The following MTFR1 variants were observed in gnomAD, a reference collection of about 807,000 sequenced individuals.
MTFR1 encodes mitochondrial fission regulator 1.
A neutral mutation model predicts 38.8 loss-of-function variants in MTFR1; 28 were observed. The ratio of observed to expected loss-of-function variants is 0.72; its 90% CI spans 0.53 to 0.99. The LOEUF (loss-of-function observed/expected upper bound fraction) is 0.99, where lower values mean the gene tolerates loss of function less well. Among genes scored for constraint, MTFR1 ranks in the 50% least tolerant of loss-of-function variants. The pLI is 0.00. For synonymous variants in MTFR1, 145 were observed against 137.0 expected, an observed-to-expected ratio of 1.06 and a Z score of -0.41; for missense variants, 358 against 395.5, an observed-to-expected ratio of 0.91 and a Z score of 0.81.
At chr8:65,668,910 G>A (rs1040985440) in intron 1 of MTFR1, among the ~76,000 whole-genome samples, 2 of 152,120 alleles carry the variant, frequency 1.3e-5, no homozygotes, top group Admixed American at 6.6e-5. Flanking sequence ...CAGTAAACTC[G>A]TCTATACCAT....
chr8:65,740,454 A>G (rs112672393), intron 3 of MTFR1, among the ~76,000 whole-genome samples: 19,170 of 152,042 alleles, frequency 0.13, 1,380 homozygotes, highest in Middle Eastern at 0.17. Context: ...GGGCTGGAGT[A>G]CAATGGTGCG....
At chr8:65,772,752 C>G (rs1809143580), downstream of MTFR1, among the ~76,000 whole-genome samples, 1 of 152,122 alleles carries the variant, frequency 6.6e-6, no homozygotes, top group South Asian at 2.1e-4. Context: ...GCCTGTAATC[C>G]CAGCACTTTG....
Position 65,707,272 on chromosome 8 carries a change from CCTT to C in MTFR1, c.764+20_764+22del. 1 of 1,601,768 alleles carries C rather than the reference CCTT, an allele frequency of 6.2e-7. No individual in the cohort carries two copies. Among genetic ancestry groups the C allele is most frequent in the South Asian group, 1.1e-5 (1 of 88,980 alleles). ...CAGTGAAGAGGTGAGGATACATTCA[CCTT>C]CTTTCTTCCCCATTTGTTTGTCTTA... On this transcript the variant is annotated intron_variant, in intron 6 of 7. Coordinates refer to ENST00000262146, the MANE Select transcript of MTFR1 (RefSeq NM_014637.4).
At chr8:65,728,892 CA>C (rs1806718623) in intron 3 of MTFR1, among the ~76,000 whole-genome samples, 1 of 152,078 alleles carries the variant, frequency 6.6e-6, no homozygotes, top group South Asian at 2.1e-4. Context: ...AAAATAGGAA[CA>C]TGACAATAAG....
chr8:65,746,321 A>G (rs1807675400), intron 3 of MTFR1, among the ~76,000 whole-genome samples: 1 of 152,176 alleles, frequency 6.6e-6, no homozygotes, highest in Admixed American at 6.5e-5. Context: ...TAGAGCTGGG[A>G]TCTTAAATTA....
chr8:65,686,848 C>G (rs528048858), intron 3 of MTFR1, among the ~76,000 whole-genome samples: 75 of 150,416 alleles, frequency 5.0e-4, no homozygotes, highest in African/African-American at 1.6e-3. Flanking sequence ...TGCCTGAACC[C>G]GGGAACTGGA....
chr8:65,651,710 G>A (rs1185918900), intron 1 of MTFR1, among the ~76,000 whole-genome samples: 1 of 152,084 alleles, frequency 6.6e-6, no homozygotes, highest in Non-Finnish European at 1.5e-5. Flanking sequence ...TAGCCCTGTA[G>A]TATAATTTGA....
At chr8:65,757,601 TTTTTGTTTTGTTTTG>T (rs368448878) in intron 3 of MTFR1, among the ~76,000 whole-genome samples, 1 of 148,562 alleles carries the variant, frequency 6.7e-6, no homozygotes, top group African/African-American at 2.4e-5. Context: ...CAAGACTTTG[TTTTTGTTTTGTTTTG>T]TTTTGTTTTG....
At chr8:65,695,119 T>C (rs1805397031) in intron 4 of MTFR1, among the ~76,000 whole-genome samples, 1 of 152,096 alleles carries the variant, frequency 6.6e-6, no homozygotes, top group Non-Finnish European at 1.5e-5. Context: ...GTATGAAGAA[T>C]AGAAAAGAGC....
At chr8:65,771,254 C>A (rs75874147) in exon 4 of MTFR1, 8,678 of 152,866 alleles carry the variant, frequency 0.057, 356 homozygotes, top group Middle Eastern at 0.1. Flanking sequence ...TATAAAAAAT[C>A]TTAAAAGAAA....
rs1805884258 is a variant in MTFR1, at chr8:65,709,508, A to G, written c.*464A>G. 2 of 154,774 alleles carry G rather than the reference A, an allele frequency of 1.3e-5. No individual in the cohort carries two copies. The highest frequency in any genetic ancestry group is 4.0e-4 in the South Asian group (2 of 5,032). 9.6% of individuals were successfully genotyped at this position (154,774 alleles called of 1,614,324 possible). A position where few individuals can be genotyped will look rare whatever the true frequency, so the allele number is the denominator to read the frequency against. The stretch of plus-strand genomic sequence containing the variant: ...TGTTTTCAATGATCATTTAGCATTC[A>G]ATGATGGAACAGCTGGTATAACATA... On this transcript the variant is annotated 3_prime_UTR_variant, in exon 8 of 8. Transcript: ENST00000262146.
At chr8:65,721,111 C>A (rs1806358951) in intron 3 of MTFR1, among the ~76,000 whole-genome samples, 2 of 146,606 alleles carry the variant, frequency 1.4e-5, no homozygotes, top group Non-Finnish European at 3.0e-5. Context: ...ATGGACCAGC[C>A]TCTCTCTTGG....
chr8:65,682,328 C>G (rs768247845), intron 2 of MTFR1, 25 bp from the exon 3 acceptor site: 1 of 1,287,052 alleles, frequency 7.8e-7, no homozygotes, highest in Non-Finnish European at 1.1e-6. Context: ...TGTAATTAAG[C>G]TTTCGGTTTT....
intron 3 of MTFR1, among the ~76,000 whole-genome samples, chr8:65,690,356 G>A (rs1195157061): frequency 2.6e-5 from 4 of 151,906 alleles, no homozygotes; most frequent in Non-Finnish European, 1.5e-5. Flanking sequence ...GCAACATGGC[G>A]ATACCCCCCA....
intron 3 of MTFR1, among the ~76,000 whole-genome samples, chr8:65,729,720 G>T (rs1806763037): frequency 6.7e-6 from 1 of 149,410 alleles, no homozygotes. Flanking sequence ...CTACCACCAT[G>T]CCTGACTTTT....
At chr8:65,683,351 T>A (rs1804966713) in intron 3 of MTFR1, among the ~76,000 whole-genome samples, 1 of 152,056 alleles carries the variant, frequency 6.6e-6, no homozygotes. Context: ...AGGATGGTCT[T>A]GATCTCTTGA....
At chr8:65,754,221 C>T (rs1163162931) in intron 3 of MTFR1, among the ~76,000 whole-genome samples, 12 of 151,990 alleles carry the variant, frequency 7.9e-5, no homozygotes, top group Admixed American at 3.3e-4. Flanking sequence ...AGTCTAGCCA[C>T]GCTGGCAGCT....
intron 1 of MTFR1, among the ~76,000 whole-genome samples, chr8:65,657,020 T>A (rs546850451): frequency 1.8e-3 from 250 of 139,492 alleles, no homozygotes; most frequent in African/African-American, 6.1e-3. Flanking sequence ...TTTACTTATT[T>A]TTTTTTTTTT....
chr8:65,662,431 G>A (rs543456059), intron 1 of MTFR1, among the ~76,000 whole-genome samples: 2 of 149,028 alleles, frequency 1.3e-5, no homozygotes, highest in Non-Finnish European at 3.0e-5. Flanking sequence ...GTGCAGTGGC[G>A]TGATCTGGGC....
Sources: allele counts gnomAD v4.1 joint callset (sites outside exome capture counted in the v4.1 genomes callset), GRCh38; gene constraint gnomAD v4.1.1; transcripts MANE v1.5; gene names NCBI Gene and HGNC (gene_info 2026-07-23, HGNC 2026-07-21).